The following SMPD3 variants were observed in gnomAD, a reference collection of about 807,000 sequenced individuals.
SMPD3 encodes the protein sphingomyelin phosphodiesterase 3, also known as nSMase-2.
In SMPD3, 21 loss-of-function variants were observed where a neutral mutation model predicts 55.7. The observed-to-expected ratio is 0.38, with a 90% CI of 0.27 to 0.54. SMPD3 has a LOEUF of 0.54. SMPD3 is among the 20% of genes least tolerant of loss of function. The pLI, the probability that SMPD3 is intolerant of heterozygous loss-of-function variation, is 0.80. For missense variants in SMPD3, 842 were observed against 899.6 expected (o/e 0.94, Z 0.82); for synonymous variants, 457 against 404.3 (o/e 1.13, Z -1.56).
At chr16:68,365,193 C>A in intron 3 of SMPD3, 101 bp from the exon 4 acceptor site, 1 of 1,210,176 alleles carries the variant, frequency 8.3e-7, no homozygotes, top group South Asian at 1.3e-5. Flanking sequence ...CAGACCCTCA[C>A]AAGCCTGGCT....
chr16:68,363,583 G>C, intron 6 of SMPD3, 24 bp from the exon 7 acceptor site: 1 of 1,609,080 alleles, frequency 6.2e-7, no homozygotes, highest in Non-Finnish European at 8.5e-7. Flanking sequence ...GGGGGTGACA[G>C]TGGTCGCTGC....
intron 1 of SMPD3, among the ~76,000 whole-genome samples, chr16:68,418,317 T>A (rs1414154067): frequency 6.6e-6 from 1 of 151,168 alleles, no homozygotes; most frequent in Non-Finnish European, 1.5e-5. Context: ...AGCACCTACT[T>A]GGCTGGAGGA....
chr16:68,363,675 C>A, intron 6 of SMPD3, 102 bp downstream of exon 6: 2 of 1,446,208 alleles, frequency 1.4e-6, no homozygotes, highest in South Asian at 1.2e-5. Flanking sequence ...CTGAATGGGG[C>A]CCTTCCCCAG....
chr16:68,380,843 T>A (rs1288326328), intron 2 of SMPD3, among the ~76,000 whole-genome samples: 1 of 152,246 alleles, frequency 6.6e-6, no homozygotes, highest in African/African-American at 2.4e-5. Flanking sequence ...AGGCAGACCC[T>A]GTGTCGGCTG....
At chr16:68,444,223 A>T (rs926388480) in intron 1 of SMPD3, among the ~76,000 whole-genome samples, 5 of 152,000 alleles carry the variant, frequency 3.3e-5, no homozygotes, top group African/African-American at 9.7e-5. Context: ...CTCCCTTCCC[A>T]CCAGGTGGGT....
intron 3 of SMPD3, chr16:68,370,308 G>A (rs1286087643): frequency 1.3e-5 from 2 of 154,200 alleles, no homozygotes; most frequent in Non-Finnish European, 2.9e-5. Context: ...AGCCAGGAGG[G>A]AGGGGTGTCC....
In SMPD3 at chr16:68,447,285, C is replaced by T. The variant is rs1597676289; in HGVS notation, c.-269+1068G>A. On this transcript the variant is annotated intron_variant, in intron 1 of 8. Transcript: ENST00000219334. This position sits in a 1 kb window ranked among gnomAD's most constrained non-coding sequence, Gnocchi z 5.1. ...CGGAGCGGAGCAGCCCCCAAAGATT[C>T]GCGGGCACGAGGTTGGGGGTAGCGT... Among the ~76,000 whole-genome samples, 3 of 152,330 alleles carry T rather than the reference C, an allele frequency of 2.0e-5. No individual in the cohort carries two copies. In the East Asian group the frequency reaches 5.8e-4, roughly 29 times the overall value.
rs947237141 is a variant in SMPD3 at position 68,358,775 on chromosome 16, G to A, written c.*2431C>T. 30 of 152,456 alleles carry A rather than the reference G, an allele frequency of 2.0e-4. No individual in the cohort carries two copies. The highest frequency in any genetic ancestry group is 7.2e-4 in the African/African-American group (30 of 41,454). 9.4% of individuals were successfully genotyped at this position (152,456 alleles called of 1,614,324 possible). A position where few individuals can be genotyped will look rare whatever the true frequency, so the allele number is the denominator to read the frequency against. On this transcript the variant is annotated 3_prime_UTR_variant, in exon 9 of 9. Transcript: ENST00000219334. ...TTGGTATGGGCCTCGGGTGACCCGT[G>A]TGCCCACCCCTGCTAGGCCTTAGAT...
chr16:68,433,581 C>A (rs1306703424), intron 1 of SMPD3, among the ~76,000 whole-genome samples: 2 of 152,196 alleles, frequency 1.3e-5, no homozygotes, highest in African/African-American at 2.4e-5. Flanking sequence ...CTTGGGACAA[C>A]CACGTTGGAG....
chr16:68,405,572 A>G (rs58212868), intron 1 of SMPD3, among the ~76,000 whole-genome samples: 1 of 151,358 alleles, frequency 6.6e-6, no homozygotes, highest in African/African-American at 2.4e-5. Flanking sequence ...AAAAAAGAAA[A>G]GAAAAGAAAA....
At chr16:68,444,406 G>A (rs149305776) in intron 1 of SMPD3, among the ~76,000 whole-genome samples, 2 of 152,318 alleles carry the variant, frequency 1.3e-5, no homozygotes, top group Admixed American at 1.3e-4. Flanking sequence ...ACTTGCATGC[G>A]TGTTCAGATT....
intron 3 of SMPD3, chr16:68,367,912 C>T (rs571493132): frequency 6.6e-6 from 1 of 152,248 alleles, no homozygotes; most frequent in Non-Finnish European, 1.5e-5. Flanking sequence ...ATTCCAGTCC[C>T]TTCCTTCACA....
chr16:68,427,743 A>G (rs1317141899), intron 1 of SMPD3, among the ~76,000 whole-genome samples: 1 of 135,990 alleles, frequency 7.4e-6, no homozygotes, highest in Non-Finnish European at 1.7e-5. Context: ...ATGGGGAGTT[A>G]AAAATGACTG....
At chr16:68,431,549 C>T (rs2090479799) in intron 1 of SMPD3, among the ~76,000 whole-genome samples, 1 of 152,156 alleles carries the variant, frequency 6.6e-6, no homozygotes, top group Admixed American at 6.5e-5. Flanking sequence ...CTGAAAACCA[C>T]TGTTTGACAT....
At chr16:68,429,669 G>A (rs1316454915) in intron 1 of SMPD3, among the ~76,000 whole-genome samples, 1 of 152,194 alleles carries the variant, frequency 6.6e-6, no homozygotes, top group Admixed American at 6.5e-5. Flanking sequence ...GCCTGTCCTA[G>A]TTACTCTTGT....
intron 1 of SMPD3, among the ~76,000 whole-genome samples, chr16:68,427,147 C>T (rs1419350722): frequency 6.6e-6 from 1 of 152,008 alleles, no homozygotes; most frequent in African/African-American, 2.4e-5. Flanking sequence ...CAGGAGTGTG[C>T]CACCATGCCT....
At chr16:68,398,420 A>G (rs145185755) in intron 1 of SMPD3, among the ~76,000 whole-genome samples, 320 of 152,248 alleles carry the variant, frequency 2.1e-3, no homozygotes, top group African/African-American at 7.4e-3. Flanking sequence ...AATCCCTCAC[A>G]CTATTTTTAC....
At chr16:68,431,524 G>A (rs1273938570) in intron 1 of SMPD3, among the ~76,000 whole-genome samples, 1 of 152,140 alleles carries the variant, frequency 6.6e-6, no homozygotes, top group Admixed American at 6.5e-5. Flanking sequence ...TGTGCATGGG[G>A]CAGGAGTGGG....
rs553937062 is a variant in SMPD3, at chr16:68,440,481, G to A, written c.-269+7872C>T. On this transcript the variant is annotated intron_variant, in intron 1 of 8. Transcript: ENST00000219334. ...CTCTCAAAGTGCTGGGATTATAGGC[G>A]TGAGCCACTGCGCTTGGCCTGAACT... Among the ~76,000 whole-genome samples the A allele has an allele frequency of 3.9e-5, 6 of 152,326 alleles. No homozygotes were observed. In the South Asian group the frequency reaches 6.2e-4, roughly 16 times the overall value.
Sources: gnomAD v4.1 joint callset for allele counts (sites outside exome capture counted in the v4.1 genomes callset) on GRCh38, gnomAD v4.1.1 for gene constraint, Gnocchi (gnomAD v3.1) non-coding constraint, MANE v1.5 for transcripts, NCBI Gene and HGNC (gene_info 2026-07-23, HGNC 2026-07-21) for gene names.